Variants in DNAI1 observed in about 807,000 individuals in gnomAD.
The protein encoded by DNAI1 is dynein axonemal intermediate chain 1.
DNAI1 carries 67 observed loss-of-function variants against 92.0 expected under a neutral mutation model. The observed-to-expected ratio is 0.73, with a 90% CI of 0.60 to 0.89. The LOEUF is 0.89. Ranked by LOEUF, DNAI1 falls within the 40% of genes least tolerant of loss-of-function variation. The pLI, the probability that DNAI1 is intolerant of heterozygous loss-of-function variation, is 0.00. For missense variants in DNAI1, 839 were observed against 866.6 expected (o/e 0.97, Z 0.40); for synonymous variants, 323 against 319.6 (o/e 1.01, Z -0.11).
chr9:34,506,721 C>T lies in DNAI1; in HGVS notation c.1158C>T (p.Val386=), dbSNP rs1824938563. 2.5e-6 allele frequency: 4 copies of T among 1,614,096 alleles called. No homozygotes were observed. Among genetic ancestry groups the T allele is most frequent in the African/African-American group, 1.3e-5 (1 of 74,942 alleles). The change falls in exon 13 of 20, where the codon GTC becomes GTT. Residue 386 remains valine, a synonymous_variant. Transcript: ENST00000242317. ...ACATGTTCAGCAGCAACAGCGGCGT[C>T]ATGTGTCTCGACATCCACGTGGACC... ...PEYMFSSNSG[V]MCLDIHVDHP...
chr9:34,498,657 T>A lies in DNAI1; in HGVS notation c.901+1458T>A, dbSNP rs150699558. ...CAGCACATTCCCAAGTGGCTTGTAT[T>A]TCCCTAAGAGGTTGTGCATTTATTT... On this transcript the variant is annotated intron_variant, in intron 10 of 19. Coordinates refer to ENST00000242317, the MANE Select transcript of DNAI1 (RefSeq NM_012144.4). Among the ~76,000 whole-genome samples the A allele has an allele frequency of 2.1e-3, 325 of 152,344 alleles. 2 individuals carry two copies. Among genetic ancestry groups the A allele is most frequent in the African/African-American group, 7.0e-3 (293 of 41,570 alleles).
intron 9 of DNAI1, among the ~76,000 whole-genome samples, chr9:34,494,226 G>A (rs1204378560): frequency 6.6e-6 from 1 of 152,122 alleles, no homozygotes; most frequent in East Asian, 1.9e-4. Flanking sequence ...TAAAGGAAGT[G>A]CTGCTTCCTA....
chr9:34,460,387 G>A lies in DNAI1; in HGVS notation c.48+1334G>A, dbSNP rs539163002. 2.0e-5 allele frequency among the ~76,000 whole-genome samples: 3 copies of A among 152,282 alleles called. No homozygotes were observed. The South Asian group carries it at 6.2e-4, about 32-fold the overall frequency. ...CCCACTCAAGTCTAGGTACATTGAG[G>A]TTTAGAGAGCCAATCTCCATGCTAC... is the stretch of plus-strand genomic sequence containing the variant. On this transcript the variant is annotated intron_variant, in intron 1 of 19. Transcript: ENST00000242317.
chr9:34,517,159 T>C (rs1587094236), intron 18 of DNAI1, 126 bp from the exon 19 acceptor site: 1 of 1,002,520 alleles, frequency 1.0e-6, no homozygotes, highest in Non-Finnish European at 1.5e-6. Flanking sequence ...TCCCTCCACC[T>C]CCAGCTCCAG....
chr9:34,514,850 C>T (rs1176325549), intron 18 of DNAI1, 111 bp downstream of exon 18: 6 of 1,195,932 alleles, frequency 5.0e-6, no homozygotes, highest in East Asian at 2.4e-5. Flanking sequence ...AAGGAGAAGG[C>T]GGGACATAAG....
intron 8 of DNAI1, 67 bp from the exon 9 acceptor site, chr9:34,493,127 G>T: frequency 1.9e-6 from 3 of 1,610,028 alleles, no homozygotes; most frequent in Non-Finnish European, 2.5e-6. Context: ...AGTCTTGAAG[G>T]CTGAAAAGAG....
chr9:34,493,367 T>C (rs888628696), intron 9 of DNAI1, 39 bp downstream of exon 9: 3 of 1,613,894 alleles, frequency 1.9e-6, no homozygotes, highest in Non-Finnish European at 2.5e-6. Context: ...ACAGAATTTC[T>C]GAATGAGGCC....
intron 19 of DNAI1, among the ~76,000 whole-genome samples, chr9:34,517,711 G>A (rs1256277730): frequency 6.6e-6 from 1 of 152,230 alleles, no homozygotes; most frequent in Admixed American, 6.5e-5. Flanking sequence ...GACATCCAAT[G>A]AGCAGGTGGA....
chr9:34,489,939 C>A, intron 5 of DNAI1, 73 bp from the exon 6 acceptor site: 1 of 1,581,444 alleles, frequency 6.3e-7, no homozygotes, highest in Non-Finnish European at 8.6e-7. Flanking sequence ...AGGCAGAAAC[C>A]AAGAAAGCCC....
At chr9:34,492,275 G>T (rs1824617259) in intron 8 of DNAI1, among the ~76,000 whole-genome samples, 2 of 151,688 alleles carry the variant, frequency 1.3e-5, no homozygotes, top group South Asian at 2.1e-4. Flanking sequence ...CCAGCTCTAG[G>T]GAGCACACGG....
chr9:34,482,460 T>C (rs2132054619), intron 1 of DNAI1, among the ~76,000 whole-genome samples: 1 of 150,878 alleles, frequency 6.6e-6, no homozygotes, highest in Admixed American at 6.6e-5. Flanking sequence ...CACAGGGTGC[T>C]GATTGGTGTG....
intron 13 of DNAI1, among the ~76,000 whole-genome samples, chr9:34,507,093 C>G (rs142922222): frequency 4.6e-4 from 70 of 152,276 alleles, no homozygotes; most frequent in African/African-American, 1.6e-3. Context: ...TCCAGAGCTT[C>G]CCTCAGGAGG....
intron 5 of DNAI1, among the ~76,000 whole-genome samples, chr9:34,489,810 C>T (rs1479378964): frequency 6.6e-6 from 1 of 152,050 alleles, no homozygotes; most frequent in African/African-American, 2.4e-5. Context: ...GATTGTGCCA[C>T]CACTGCATTC....
chr9:34,461,895 G>GA (rs1343502815), intron 1 of DNAI1, among the ~76,000 whole-genome samples: 1 of 152,144 alleles, frequency 6.6e-6, no homozygotes, highest in Non-Finnish European at 1.5e-5. Context: ...AACACAGGCA[G>GA]AAAAAGATAA....
chr9:34,514,770 C>G, intron 18 of DNAI1, 31 bp downstream of exon 18: 11 of 1,606,200 alleles, frequency 6.8e-6, no homozygotes, highest in Non-Finnish European at 9.4e-6. Context: ...TTCACTGAGT[C>G]CCTACTGGAG....
At chr9:34,498,042 C>T (rs146930925) in intron 10 of DNAI1, among the ~76,000 whole-genome samples, 1,953 of 152,160 alleles carry the variant, frequency 0.013, 13 homozygotes, top group Middle Eastern at 0.054. Context: ...GGACACAGCC[C>T]GATGAGAGCA....
At chr9:34,479,848 T>C (rs901536657) in intron 1 of DNAI1, among the ~76,000 whole-genome samples, 1 of 152,196 alleles carries the variant, frequency 6.6e-6, no homozygotes, top group Non-Finnish European at 1.5e-5. Context: ...CAGCCCAAGA[T>C]GAGACATGCT....
chr9:34,483,455 G>T lies in DNAI1; in HGVS notation c.56G>T (p.Ser19Ile). 6.2e-7 allele frequency: 1 copy of T among 1,612,130 alleles called. No individual in the cohort carries two copies. ...TTTCTGTTCTTCATTTAGAGCATCA[G>T]CATAGGCAGAGGAACCAGGAAGAGA... The part of the protein sequence containing the change: ...PHKQPHKQSI[S>I]IGRGTRKRDE... The change falls in exon 2 of 20, where the codon AGC (serine) becomes ATC (isoleucine). Residue 19 changes from serine (S) to isoleucine (I), a missense_variant. Physicochemically the swap from Ser to Ile is moderately radical, Grantham distance 142 (BLOSUM62 -2). Transcript: ENST00000242317.
intron 4 of DNAI1, among the ~76,000 whole-genome samples, chr9:34,488,853 G>C (rs891011887): frequency 6.6e-6 from 1 of 152,210 alleles, no homozygotes; most frequent in Non-Finnish European, 1.5e-5. Context: ...GGAATTCCAT[G>C]GTCCTCTTGT....
Sources: allele counts gnomAD v4.1 joint callset (sites outside exome capture counted in the v4.1 genomes callset), GRCh38; gene constraint gnomAD v4.1.1; transcripts MANE v1.5; gene names NCBI Gene and HGNC (gene_info 2026-07-23, HGNC 2026-07-21).